MYRFL: variants seen among roughly 807,000 people sequenced by gnomAD.
The protein encoded by MYRFL is myelin regulatory factor-like protein.
Under a neutral mutation model 109.4 loss-of-function variants are expected in MYRFL, and 88 were observed. That is an observed-to-expected ratio of 0.80 (90% confidence interval 0.68 to 0.96). MYRFL has a LOEUF of 0.96. MYRFL is among the 40% of genes least tolerant of loss of function. The pLI is 0.00. For missense variants in MYRFL, 957 were observed against 954.9 expected, an observed-to-expected ratio of 1.00 and a Z score of -0.03; for synonymous variants, 324 against 320.9, an observed-to-expected ratio of 1.01 and a Z score of -0.10.
chr12:69,952,091 G>A (rs1955991398), intron 19 of MYRFL, 22 bp from the exon 20 acceptor site: 2 of 1,535,106 alleles, frequency 1.3e-6, no homozygotes, highest in African/African-American at 1.4e-5. Context: ...CTTCAAGATT[G>A]ACAGACTTGT....
intron 13 of MYRFL, among the ~76,000 whole-genome samples, chr12:69,923,295 A>G (rs543507309): frequency 1.3e-5 from 2 of 152,326 alleles, no homozygotes; most frequent in Non-Finnish European, 2.9e-5. Context: ...AAATCTGGAA[A>G]AGTACTCAAA....
intron 2 of MYRFL, among the ~76,000 whole-genome samples, chr12:69,866,558 G>A (rs1343782488): frequency 6.6e-6 from 1 of 152,054 alleles, no homozygotes; most frequent in Non-Finnish European, 1.5e-5. Flanking sequence ...TTTTGCCTGG[G>A]TACTAGAGGT....
At chr12:69,834,517 GATA>G (rs1222755217) in intron 1 of MYRFL, among the ~76,000 whole-genome samples, 1 of 152,132 alleles carries the variant, frequency 6.6e-6, no homozygotes, top group East Asian at 1.9e-4. Context: ...GTCAAATGGG[GATA>G]ATAACACCTA....
At chr12:69,841,558 C>T (rs1443189874) in intron 1 of MYRFL, among the ~76,000 whole-genome samples, 2 of 152,184 alleles carry the variant, frequency 1.3e-5, no homozygotes, top group East Asian at 1.9e-4. Context: ...GCTTGTACAA[C>T]CTGGCTCCAG....
intron 10 of MYRFL, among the ~76,000 whole-genome samples, chr12:69,901,877 A>G (rs1233016601): frequency 1.5e-5 from 2 of 136,586 alleles, no homozygotes; most frequent in African/African-American, 5.6e-5. Context: ...ACATTCTTTC[A>G]CTGCTGTTTT....
intron 19 of MYRFL, among the ~76,000 whole-genome samples, chr12:69,946,092 TTTA>T (rs1276174163): frequency 6.6e-6 from 1 of 151,032 alleles, no homozygotes; most frequent in Non-Finnish European, 1.5e-5. Flanking sequence ...TGTATACTAA[TTTA>T]TTATTGTTTT....
chr12:69,946,187 A>G (rs945220792), intron 19 of MYRFL, among the ~76,000 whole-genome samples: 5 of 151,868 alleles, frequency 3.3e-5, no homozygotes, highest in African/African-American at 4.8e-5. Context: ...GTAAACTTCT[A>G]AAGAAAGAAG....
chr12:69,838,402 G>A (rs1883068335), intron 1 of MYRFL, among the ~76,000 whole-genome samples: 1 of 151,576 alleles, frequency 6.6e-6, no homozygotes, highest in South Asian at 2.1e-4. Context: ...TTTGGCCTTG[G>A]GCAAATTAGA....
rs1018638971 is a variant in MYRFL, at chr12:69,953,005, T to C, written c.2375+119T>C. 6 of 630,170 alleles carry C rather than the reference T, an allele frequency of 9.5e-6. No homozygotes were observed. In the Admixed American group the frequency reaches 1.7e-4, roughly 17 times the overall value. 39.0% of individuals were successfully genotyped at this position (630,170 alleles called of 1,614,324 possible). On this transcript the variant is annotated intron_variant, in intron 21 of 24. Transcript: ENST00000552032. ...TAAAATCAATGTGTGCTTACATTGCTCCTTAAGTGAAAACATCTTTATTAC... is the reference window on the plus strand; with the variant it reads ...TAAAATCAATGTGTGCTTACATTGCCCCTTAAGTGAAAACATCTTTATTAC...
chr12:69,955,387 T>A lies in MYRFL; in HGVS notation c.2400T>A (p.Ile800=). Residue 800 remains isoleucine, a synonymous_variant, in exon 22 of 25, where the codon ATT becomes ATA. Transcript: ENST00000552032. Reference sequence around the variant, plus strand: ...GATCTGGAAATTATAATTACAATATTCCTGTTAATAAACACACACCCACCA... The same window carrying A: ...GATCTGGAAATTATAATTACAATATACCTGTTAATAAACACACACCCACCA... The part of the protein sequence containing the change: ...QCGSGNYNYN[I]PVNKHTPTNV... 1.5e-6 allele frequency: 1 copy of A among 662,300 alleles called. No individual in the cohort carries two copies. Among genetic ancestry groups the A allele is most frequent in the Non-Finnish European group, 2.7e-6 (1 of 370,992 alleles). 41.0% of individuals were successfully genotyped at this position (662,300 alleles called of 1,614,324 possible).
chr12:69,830,391 C>A (rs1391487844), intron 1 of MYRFL, among the ~76,000 whole-genome samples: 1 of 150,014 alleles, frequency 6.7e-6, no homozygotes, highest in Non-Finnish European at 1.5e-5. Flanking sequence ...CTTGTTTATA[C>A]TATTTTTGGA....
At chr12:69,938,380 C>T (rs1040714229) in intron 19 of MYRFL, among the ~76,000 whole-genome samples, 13 of 152,098 alleles carry the variant, frequency 8.5e-5, no homozygotes, top group Non-Finnish European at 1.5e-4. Context: ...AGGAAGAGGT[C>T]GTAGACTGGT....
intron 22 of MYRFL, among the ~76,000 whole-genome samples, chr12:69,956,374 TA>T (rs933501344): frequency 2.2e-4 from 34 of 152,290 alleles, no homozygotes; most frequent in African/African-American, 7.9e-4. Context: ...TTATTAGGAC[TA>T]CCTTTCCTCC....
At chr12:69,841,954 C>T (rs534810220) in intron 1 of MYRFL, among the ~76,000 whole-genome samples, 31 of 152,234 alleles carry the variant, frequency 2.0e-4, no homozygotes, top group Admixed American at 3.3e-4. Context: ...CTTGTATTAG[C>T]CTCATTTTGA....
intron 22 of MYRFL, 44 bp downstream of exon 22, chr12:69,955,481 T>C (rs1439686264): frequency 3.6e-6 from 2 of 553,052 alleles, no homozygotes; most frequent in African/African-American, 3.9e-5. Flanking sequence ...TTATCATTAG[T>C]TGAATATGAA....
intron 19 of MYRFL, among the ~76,000 whole-genome samples, chr12:69,942,781 A>G (rs1341534962): frequency 6.6e-6 from 1 of 151,692 alleles, no homozygotes; most frequent in Admixed American, 6.6e-5. Flanking sequence ...GTATATCTAG[A>G]AAACCCCATT....
intron 6 of MYRFL, among the ~76,000 whole-genome samples, chr12:69,889,984 A>G (rs1886700778): frequency 6.6e-6 from 1 of 152,170 alleles, no homozygotes; most frequent in Non-Finnish European, 1.5e-5. Context: ...CAAAAATTTG[A>G]TTAGCCACCC....
chr12:69,934,085 G>C (rs1410201296), intron 16 of MYRFL, among the ~76,000 whole-genome samples: 1 of 152,182 alleles, frequency 6.6e-6, no homozygotes, highest in East Asian at 1.9e-4. Flanking sequence ...AAATCATAAA[G>C]AGTATTTTAG....
At chr12:69,931,784 G>T (rs1955278820) in intron 15 of MYRFL, among the ~76,000 whole-genome samples, 1 of 152,204 alleles carries the variant, frequency 6.6e-6, no homozygotes, top group East Asian at 1.9e-4. Context: ...TTCCACAGCT[G>T]TTATTCTGCA....
Sources: gnomAD v4.1 joint callset for allele counts (sites outside exome capture counted in the v4.1 genomes callset) on GRCh38, gnomAD v4.1.1 for gene constraint, MANE v1.5 for transcripts, NCBI Gene and HGNC (gene_info 2026-07-23, HGNC 2026-07-21) for gene names.